XKR9: variants seen among roughly 807,000 people sequenced by gnomAD.
The protein encoded by XKR9 is XK-related protein 9.
A neutral mutation model predicts 32.0 loss-of-function variants in XKR9; 32 were observed. The ratio of observed to expected loss-of-function variants is 1.00; its 90% CI spans 0.76 to 1.34. XKR9 has a LOEUF of 1.34. XKR9 is among the 40% of genes most tolerant of loss of function. XKR9 has a pLI of 0.00. For missense variants in XKR9, 546 were observed against 429.7 expected, an observed-to-expected ratio of 1.27 and a Z score of -2.39; for synonymous variants, 168 against 143.4, an observed-to-expected ratio of 1.17 and a Z score of -1.22.
chr8:70,810,071 A>G, the XKR9 span, among the ~76,000 whole-genome samples: 6 of 152,252 alleles, frequency 3.9e-5, no homozygotes, highest in Non-Finnish European at 7.3e-5. Flanking sequence ...AGGGAAGCCC[A>G]TCAGACTAAC....
intron 4 of XKR9, among the ~76,000 whole-genome samples, chr8:70,718,065 C>G (rs534152663): frequency 6.6e-5 from 10 of 152,110 alleles, no homozygotes; most frequent in Admixed American, 6.6e-4. Flanking sequence ...ATATCACTAT[C>G]AGCATTTTGG....
intron 4 of XKR9, among the ~76,000 whole-genome samples, chr8:70,723,845 GC>G (rs1806363818): frequency 6.6e-6 from 1 of 151,744 alleles, no homozygotes; most frequent in African/African-American, 2.4e-5. Flanking sequence ...TAAACAATGT[GC>G]TGGGAGATCC....
chr8:70,728,525 A>G (rs1290224704), intron 4 of XKR9, among the ~76,000 whole-genome samples: 1 of 152,190 alleles, frequency 6.6e-6, no homozygotes, highest in East Asian at 1.9e-4. Context: ...TGACTCTAGG[A>G]CAAGGAGTGC....
intron 2 of XKR9, among the ~76,000 whole-genome samples, chr8:70,757,817 C>T (rs551145424): frequency 6.6e-6 from 1 of 152,244 alleles, no homozygotes; most frequent in African/African-American, 2.4e-5. Context: ...GAACTCCTTA[C>T]CTCAGGTGAT....
At chr8:70,916,253 A>G in the XKR9 span, among the ~76,000 whole-genome samples, 3 of 152,274 alleles carry the variant, frequency 2.0e-5, no homozygotes, top group African/African-American at 7.2e-5. Flanking sequence ...CAATTTTCCT[A>G]TGCTCTGCAT....
the XKR9 span, among the ~76,000 whole-genome samples, chr8:70,849,644 A>G: frequency 6.6e-6 from 1 of 152,152 alleles, no homozygotes; most frequent in Non-Finnish European, 1.5e-5. Context: ...ATAGAGACAC[A>G]AAAAACCTTT....
At chr8:71,037,259 C>T in the XKR9 span, among the ~76,000 whole-genome samples, 1 of 152,032 alleles carries the variant, frequency 6.6e-6, no homozygotes, top group South Asian at 2.1e-4. Context: ...TTGATAATAT[C>T]CACAATTGAA....
chr8:70,700,905 C>G (rs921117405), intron 3 of XKR9, among the ~76,000 whole-genome samples: 2 of 152,226 alleles, frequency 1.3e-5, no homozygotes, highest in African/African-American at 4.8e-5. Context: ...ACCCCTCCCC[C>G]AGCCTTGCTG....
chr8:70,702,911 A>G (rs951651640), intron 3 of XKR9, among the ~76,000 whole-genome samples: 23 of 152,272 alleles, frequency 1.5e-4, no homozygotes, highest in African/African-American at 5.1e-4. Context: ...AATTATTGAT[A>G]TGGTTGTTTT....
intron 2 of XKR9, among the ~76,000 whole-genome samples, chr8:70,746,718 C>A (rs1447063064): frequency 6.6e-6 from 1 of 151,436 alleles, no homozygotes; most frequent in Admixed American, 6.6e-5. Context: ...CTGTCTTCCC[C>A]AAAACTCATG....
intron 2 of XKR9, among the ~76,000 whole-genome samples, chr8:70,785,718 GCTCTCTCT>G (rs60417775): frequency 5.8e-5 from 8 of 137,438 alleles, no homozygotes; most frequent in South Asian, 4.8e-4. Context: ...ACTTTTTTTT[GCTCTCTCT>G]CTCTCTCTCT....
the XKR9 span, among the ~76,000 whole-genome samples, chr8:70,994,090 A>C: frequency 5.9e-5 from 9 of 152,184 alleles, no homozygotes; most frequent in Non-Finnish European, 1.2e-4. Context: ...TTCTAGAACT[A>C]TGAGAAATAA....
chr8:71,050,150 A>C, the XKR9 span, among the ~76,000 whole-genome samples: 1 of 151,434 alleles, frequency 6.6e-6, no homozygotes, highest in African/African-American at 2.4e-5. Flanking sequence ...CTCATCTATA[A>C]AAAGGAAGAA....
chr8:70,950,658 C>T, the XKR9 span, among the ~76,000 whole-genome samples: 1 of 146,400 alleles, frequency 6.8e-6, no homozygotes, highest in Non-Finnish European at 1.5e-5. Flanking sequence ...CTTTCCTTCT[C>T]CTTTTCTTTT....
At chr8:70,738,410 CA>C (rs1243664606), downstream of XKR9, among the ~76,000 whole-genome samples, 1 of 148,616 alleles carries the variant, frequency 6.7e-6, no homozygotes, top group Admixed American at 6.7e-5. Flanking sequence ...TTGATCCTTT[CA>C]AAAAATCAGC....
At chr8:70,708,778 A>G (rs1016040785) in intron 4 of XKR9, among the ~76,000 whole-genome samples, 2 of 152,124 alleles carry the variant, frequency 1.3e-5, no homozygotes, top group African/African-American at 2.4e-5. Flanking sequence ...AAATTATGTT[A>G]TACGAGTTCT....
chr8:71,060,496 G>A, the XKR9 span, among the ~76,000 whole-genome samples: 2 of 152,174 alleles, frequency 1.3e-5, no homozygotes, highest in Admixed American at 1.3e-4. Context: ...AAACTGCTGA[G>A]CTATTGGCTG....
chr8:70,674,278 G>C (rs1818815417), intron 1 of XKR9, among the ~76,000 whole-genome samples: 1 of 152,240 alleles, frequency 6.6e-6, no homozygotes, highest in African/African-American at 2.4e-5. Context: ...AAAGCCTAAA[G>C]ATGGTGGGTT....
At chr8:71,027,457 TTA>T in the XKR9 span, among the ~76,000 whole-genome samples, 2 of 146,910 alleles carry the variant, frequency 1.4e-5, no homozygotes, top group African/African-American at 4.9e-5. Flanking sequence ...TTATATAATT[TTA>T]TATATAAAAT....
Sources: gnomAD v4.1 joint callset for allele counts (sites outside exome capture counted in the v4.1 genomes callset) on GRCh38, gnomAD v4.1.1 for gene constraint, MANE v1.5 for transcripts, NCBI Gene and HGNC (gene_info 2026-07-23, HGNC 2026-07-21) for gene names.